STK32B: variants seen among roughly 807,000 people sequenced by gnomAD.
STK32B encodes the protein serine/threonine-protein kinase 32B.
In STK32B, 43 loss-of-function variants were observed where a neutral mutation model predicts 52.6. The observed-to-expected ratio is 0.82, with a 90% CI of 0.64 to 1.05. The LOEUF (loss-of-function observed/expected upper bound fraction) is 1.05. Among genes scored for constraint, STK32B ranks in the 50% least tolerant of loss-of-function variants. The pLI is 0.00. For missense variants in STK32B, 621 were observed against 534.6 expected (o/e 1.16, Z -1.59); for synonymous variants, 238 against 204.3 (o/e 1.17, Z -1.41).
chr4:5,027,100 T>C, the STK32B span, among the ~76,000 whole-genome samples: 1 of 152,210 alleles, frequency 6.6e-6, no homozygotes, highest in Non-Finnish European at 1.5e-5. Flanking sequence ...TTGCCTCTGG[T>C]GCTCCTGTTG....
chr4:5,485,391 G>T (rs1310552656), intron 11 of STK32B, among the ~76,000 whole-genome samples: 1 of 152,076 alleles, frequency 6.6e-6, no homozygotes, highest in Non-Finnish European at 1.5e-5. Flanking sequence ...GGCTACTGAG[G>T]CTTGTGCATT....
chr4:5,322,027 G>T (rs1277362132), intron 3 of STK32B, among the ~76,000 whole-genome samples: 1 of 91,364 alleles, frequency 1.1e-5, no homozygotes, highest in East Asian at 2.5e-4. Context: ...AAAAAGTGGT[G>T]GGAGTGGGGG....
rs919089020 is a variant in STK32B at position 5,396,642 on chromosome 4, C to A, written c.435-1565C>A. Among the ~76,000 whole-genome samples the A allele has an allele frequency of 6.6e-6, 1 of 152,206 alleles. No homozygotes were observed. The highest frequency in any genetic ancestry group is 2.4e-5 in the African/African-American group (1 of 41,456). ...GTAGCTCACATTCCCTGGGCCACAGCCATCTCCTCCCTGGTCCCCACACCA... is the reference window on the plus strand; with the variant it reads ...GTAGCTCACATTCCCTGGGCCACAGACATCTCCTCCCTGGTCCCCACACCA... On this transcript the variant is annotated intron_variant, in intron 4 of 11. Transcript: ENST00000282908. This position sits in a 1 kb window ranked among gnomAD's most constrained non-coding sequence, Gnocchi z 4.7.
chr4:5,293,498 G>A (rs1185624474), intron 3 of STK32B, among the ~76,000 whole-genome samples: 1 of 152,064 alleles, frequency 6.6e-6, no homozygotes, highest in African/African-American at 2.4e-5. Context: ...GGCATGAGAT[G>A]GTATCTCATT....
At chr4:5,481,108 T>C (rs115502183) in intron 11 of STK32B, among the ~76,000 whole-genome samples, 2,445 of 152,298 alleles carry the variant, frequency 0.016, 75 homozygotes, top group African/African-American at 0.055. Flanking sequence ...AGAAGTGGAA[T>C]TGCTGGGTCA....
chr4:5,114,828 C>T (rs771928264), intron 1 of STK32B, among the ~76,000 whole-genome samples: 2 of 152,138 alleles, frequency 1.3e-5, no homozygotes, highest in African/African-American at 4.8e-5. Flanking sequence ...AACCCAGGCT[C>T]GTTATTCCAC....
chr4:5,141,169 A>G (rs903501816), intron 2 of STK32B, among the ~76,000 whole-genome samples: 2 of 152,224 alleles, frequency 1.3e-5, no homozygotes, highest in East Asian at 1.9e-4. Flanking sequence ...CTCAGTAGCC[A>G]CGTGTAGCCA....
intron 6 of STK32B, 151 bp from the exon 7 acceptor site, chr4:5,446,522 G>T: frequency 1.6e-6 from 1 of 626,740 alleles, no homozygotes; most frequent in Non-Finnish European, 2.7e-6. Context: ...GCGCCATTAT[G>T]TGCCAGCCTG....
At chr4:5,317,087 TAA>T (rs1363503972) in intron 3 of STK32B, among the ~76,000 whole-genome samples, 8 of 37,722 alleles carry the variant, frequency 2.1e-4, no homozygotes, top group Non-Finnish European at 2.7e-4. Context: ...ATTATATATA[TAA>T]TATATATGAT....
intron 4 of STK32B, among the ~76,000 whole-genome samples, chr4:5,392,938 A>C (rs1022845029): frequency 6.6e-6 from 1 of 152,208 alleles, no homozygotes; most frequent in Non-Finnish European, 1.5e-5. Context: ...CCCCATGTCC[A>C]CAGGAAGCAG....
At chr4:5,291,683 T>G (rs575624403) in intron 3 of STK32B, among the ~76,000 whole-genome samples, 70 of 152,230 alleles carry the variant, frequency 4.6e-4, no homozygotes, top group African/African-American at 1.7e-3. Flanking sequence ...TCCAATACAG[T>G]GTTGAGTAGA....
intron 4 of STK32B, among the ~76,000 whole-genome samples, chr4:5,365,037 G>A (rs939209029): frequency 6.6e-6 from 1 of 151,938 alleles, no homozygotes; most frequent in African/African-American, 2.4e-5. Flanking sequence ...CACCACACCC[G>A]GCTAATTTTT....
At chr4:5,276,545 C>A (rs1727836362) in intron 3 of STK32B, among the ~76,000 whole-genome samples, 1 of 152,038 alleles carries the variant, frequency 6.6e-6, no homozygotes, top group South Asian at 2.1e-4. Flanking sequence ...GTAGTTAATA[C>A]ATCATGTTGC....
intron 2 of STK32B, among the ~76,000 whole-genome samples, chr4:5,164,371 C>A (rs1274588928): frequency 6.6e-6 from 1 of 152,156 alleles, no homozygotes; most frequent in Admixed American, 6.5e-5. Context: ...CTCCCCTTCT[C>A]TTCTCTTCTA....
At chr4:5,277,447 C>A (rs1449000317) in intron 3 of STK32B, among the ~76,000 whole-genome samples, 5 of 151,984 alleles carry the variant, frequency 3.3e-5, no homozygotes, top group African/African-American at 1.2e-4. Context: ...CAGACAGTAG[C>A]AATTTTAATG....
chr4:5,472,376 C>T (rs1019643638), intron 11 of STK32B, among the ~76,000 whole-genome samples: 22 of 152,218 alleles, frequency 1.4e-4, no homozygotes, highest in Non-Finnish European at 2.6e-4. Context: ...TTAAAATTAG[C>T]GCTGCCTACT....
At chr4:5,267,527 T>G (rs1727131622) in intron 3 of STK32B, among the ~76,000 whole-genome samples, 1 of 152,078 alleles carries the variant, frequency 6.6e-6, no homozygotes, top group Non-Finnish European at 1.5e-5. Context: ...ATGAGAGCAT[T>G]CTCACATCTC....
chr4:5,361,295 T>G (rs1734532102), intron 4 of STK32B, among the ~76,000 whole-genome samples: 1 of 152,230 alleles, frequency 6.6e-6, no homozygotes, highest in Admixed American at 6.5e-5. Flanking sequence ...TACAGATATC[T>G]CTTTGACACC....
intron 3 of STK32B, among the ~76,000 whole-genome samples, chr4:5,295,009 T>C (rs1729105560): frequency 6.6e-6 from 1 of 152,190 alleles, no homozygotes; most frequent in African/African-American, 2.4e-5. Flanking sequence ...ATAGAAGGCC[T>C]TTTCTGCATC....
Sources: gnomAD v4.1 joint callset for allele counts (sites outside exome capture counted in the v4.1 genomes callset) on GRCh38, gnomAD v4.1.1 for gene constraint, Gnocchi (gnomAD v3.1) non-coding constraint, MANE v1.5 for transcripts, NCBI Gene and HGNC (gene_info 2026-07-23, HGNC 2026-07-21) for gene names.